RBFOX1: variants seen among roughly 807,000 people sequenced by gnomAD.
RBFOX1 encodes RNA binding fox-1 homolog 1, also known as RNA binding protein fox-1 homolog 1.
Under a neutral mutation model 57.7 loss-of-function variants are expected in RBFOX1, and 8 were observed. The observed-to-expected ratio is 0.14, with a 90% CI of 0.08 to 0.25. The LOEUF is 0.25. Ranked by LOEUF, RBFOX1 falls within the 10% of genes least tolerant of loss-of-function variation. The pLI, the probability that RBFOX1 is intolerant of heterozygous loss-of-function variation, is 1.00. For missense variants in RBFOX1, 611 were observed against 548.5 expected, an observed-to-expected ratio of 1.11 and a Z score of -1.14; for synonymous variants, 326 against 222.4, an observed-to-expected ratio of 1.47 and a Z score of -4.15.
At chr16:6,988,747 GTTTGTT>G (rs1179000156) in intron 3 of RBFOX1, among the ~76,000 whole-genome samples, 37,903 of 101,278 alleles carry the variant, frequency 0.37, 6,608 homozygotes, top group Non-Finnish European at 0.48. Context: ...TTTTTTGTTT[GTTTGTT>G]TTTTGTTTTT....
intron 4 of RBFOX1, among the ~76,000 whole-genome samples, chr16:5,870,763 A>G (rs1182492667): frequency 6.6e-6 from 1 of 152,014 alleles, no homozygotes; most frequent in Non-Finnish European, 1.5e-5. Flanking sequence ...GATCACCGTT[A>G]TTTAATGCGT....
intron 3 of RBFOX1, among the ~76,000 whole-genome samples, chr16:5,764,708 G>C (rs1471257527): frequency 6.6e-6 from 1 of 152,082 alleles, no homozygotes; most frequent in Non-Finnish European, 1.5e-5. Flanking sequence ...TTGGATTTTG[G>C]TCAAAACATA....
At chr16:5,310,731 G>C (rs1040194030) in intron 1 of RBFOX1, among the ~76,000 whole-genome samples, 1 of 152,180 alleles carries the variant, frequency 6.6e-6, no homozygotes, top group East Asian at 1.9e-4. Flanking sequence ...ATTTCTTGTT[G>C]TGCTGTCATC....
At chr16:7,511,450 G>T (rs2075060514) in intron 4 of RBFOX1, among the ~76,000 whole-genome samples, 1 of 152,226 alleles carries the variant, frequency 6.6e-6, no homozygotes, top group South Asian at 2.1e-4. Flanking sequence ...CAGGGTTCAG[G>T]ATATTTCAGG....
Position 7,333,194 on chromosome 16 carries a change from C to T in RBFOX1, c.28-184953C>T. The T allele has an allele frequency of 8.7e-6, 9 of 1,039,364 alleles. No homozygotes were observed. In the Middle Eastern group the frequency reaches 1.7e-3, roughly 202 times the overall value. The allele number at this position is 1,039,364 out of a possible 1,614,324, so 64.4% of individuals were successfully genotyped here. A position where few individuals can be genotyped will look rare whatever the true frequency, so the allele number is the denominator to read the frequency against. On this transcript the variant is annotated intron_variant, in intron 4 of 15. Coordinates refer to ENST00000550418, the MANE Select transcript of RBFOX1 (RefSeq NM_018723.4). ...CAAACACTTTTAATACAGGAAAAAG[C>T]CCTCGCGTAGTCAGTGAGAAGACAG...
intron 3 of RBFOX1, among the ~76,000 whole-genome samples, chr16:6,942,735 T>C (rs1441568328): frequency 6.6e-6 from 1 of 152,150 alleles, no homozygotes; most frequent in Non-Finnish European, 1.5e-5. Flanking sequence ...TTAGAGACTC[T>C]CTTGAGAGAC....
intron 10 of RBFOX1, among the ~76,000 whole-genome samples, chr16:7,628,638 GT>G (rs1164352864): frequency 1.3e-5 from 2 of 152,056 alleles, no homozygotes; most frequent in African/African-American, 4.8e-5. Flanking sequence ...TTGAGATGGA[GT>G]TTTGCTCTTG....
chr16:6,594,596 A>T (rs1034890265), intron 2 of RBFOX1, among the ~76,000 whole-genome samples: 1 of 152,160 alleles, frequency 6.6e-6, no homozygotes, highest in Non-Finnish European at 1.5e-5. Flanking sequence ...ATTATGGGCA[A>T]CTAGTTTATT....
At chr16:5,873,018 G>T (rs2057514109) in intron 4 of RBFOX1, among the ~76,000 whole-genome samples, 1 of 152,026 alleles carries the variant, frequency 6.6e-6, no homozygotes, top group African/African-American at 2.4e-5. Flanking sequence ...GGGTGTGGTG[G>T]CACGCACCTG....
chr16:6,203,555 A>G (rs182840582), intron 1 of RBFOX1, among the ~76,000 whole-genome samples: 32 of 152,224 alleles, frequency 2.1e-4, no homozygotes, highest in Admixed American at 2.0e-3. Context: ...ATGGAAATGC[A>G]TATATCTCAT....
intron 3 of RBFOX1, chr16:6,705,414 C>T (rs1025342915): frequency 6.6e-6 from 1 of 152,160 alleles, no homozygotes; most frequent in African/African-American, 2.4e-5. Flanking sequence ...ATAGAAATAC[C>T]TACAGACATA....
At chr16:6,193,126 A>C (rs900255062) in intron 1 of RBFOX1, among the ~76,000 whole-genome samples, 1 of 151,846 alleles carries the variant, frequency 6.6e-6, no homozygotes, top group Non-Finnish European at 1.5e-5. Flanking sequence ...TTTCAATGCA[A>C]ATGAATCGTG....
chr16:7,398,519 C>G (rs7206230), intron 4 of RBFOX1, among the ~76,000 whole-genome samples: 7,252 of 152,268 alleles, frequency 0.048, 435 homozygotes, highest in African/African-American at 0.15. Context: ...ACCCAGAAAA[C>G]AGAACAGATC....
intron 4 of RBFOX1, among the ~76,000 whole-genome samples, chr16:7,251,528 A>T (rs1335129122): frequency 1.3e-5 from 2 of 151,126 alleles, no homozygotes; most frequent in African/African-American, 2.4e-5. Flanking sequence ...TTCCTGCCTC[A>T]GACTCCCAAG....
intron 4 of RBFOX1, among the ~76,000 whole-genome samples, chr16:7,481,508 C>G (rs189233175): frequency 2.0e-5 from 3 of 152,116 alleles, no homozygotes; most frequent in African/African-American, 7.2e-5. Flanking sequence ...TCTATCATAC[C>G]TTAATTTGAT....
At chr16:7,388,330 A>G (rs929729067) in intron 4 of RBFOX1, among the ~76,000 whole-genome samples, 4 of 152,222 alleles carry the variant, frequency 2.6e-5, no homozygotes, top group Non-Finnish European at 4.4e-5. Context: ...ACAAGTGGCA[A>G]TGAGATGCAT....
chr16:5,489,327 G>C (rs2042749130), intron 2 of RBFOX1, among the ~76,000 whole-genome samples: 1 of 152,226 alleles, frequency 6.6e-6, no homozygotes, highest in Admixed American at 6.5e-5. Context: ...GGAGGATAAA[G>C]GGCAAAGAAT....
intron 3 of RBFOX1, among the ~76,000 whole-genome samples, chr16:6,999,186 TTTATTTTA>T (rs1226853664): frequency 3.1e-5 from 3 of 96,786 alleles, no homozygotes; most frequent in African/African-American, 1.0e-4. Context: ...TTTATTTTAT[TTTATTTTA>T]TTTTATTTTT....
At chr16:5,505,795 C>A (rs1242864102) in intron 2 of RBFOX1, among the ~76,000 whole-genome samples, 1 of 152,132 alleles carries the variant, frequency 6.6e-6, no homozygotes, top group Non-Finnish European at 1.5e-5. Context: ...CTTGGGGATA[C>A]CCCTGGCAGC....
Sources: allele counts gnomAD v4.1 joint callset (sites outside exome capture counted in the v4.1 genomes callset), GRCh38; gene constraint gnomAD v4.1.1; transcripts MANE v1.5; gene names NCBI Gene and HGNC (gene_info 2026-07-23, HGNC 2026-07-21).